The following RGS9 variants were observed in gnomAD, a reference collection of about 807,000 sequenced individuals.
The protein encoded by RGS9 is regulator of G-protein signalling 9.
A neutral mutation model predicts 102.0 loss-of-function variants in RGS9; 78 were observed. The observed-to-expected ratio is 0.76, with a 90% CI of 0.64 to 0.92. The LOEUF (loss-of-function observed/expected upper bound fraction) is 0.92, where lower values mean the gene tolerates loss of function less well. Ranked by LOEUF, RGS9 falls within the 40% of genes least tolerant of loss-of-function variation. The probability of loss-of-function intolerance (pLI) is 0.00; values close to 1 mark genes in which losing one functional copy is unlikely to be tolerated. For synonymous variants in RGS9, 353 were observed against 318.6 expected (o/e 1.11, Z -1.15); for missense variants, 833 against 866.1 (o/e 0.96, Z 0.48).
At chr17:65,178,440 G>A (rs189856671) in intron 9 of RGS9, among the ~76,000 whole-genome samples, 1 of 151,852 alleles carries the variant, frequency 6.6e-6, no homozygotes, top group Non-Finnish European at 1.5e-5. Context: ...TGAGCCCATG[G>A]CCCTATTGAC....
intron 1 of RGS9, among the ~76,000 whole-genome samples, chr17:65,152,108 A>G (rs572127758): frequency 2.6e-5 from 4 of 152,202 alleles, no homozygotes; most frequent in Non-Finnish European, 4.4e-5. Context: ...GGTGGAGTTC[A>G]GGGTTGCAGC....
intron 9 of RGS9, among the ~76,000 whole-genome samples, chr17:65,180,327 C>T (rs1207670280): frequency 2.0e-5 from 3 of 151,930 alleles, no homozygotes; most frequent in Admixed American, 6.6e-5. Context: ...GAGAAGGAAT[C>T]GATCCTTCTT....
intron 17 of RGS9, among the ~76,000 whole-genome samples, chr17:65,222,155 C>A (rs1449859779): frequency 2.0e-5 from 3 of 152,226 alleles, no homozygotes; most frequent in Non-Finnish European, 4.4e-5. Context: ...CAGCTGGGAG[C>A]TGCTCTCAGC....
intron 1 of RGS9, among the ~76,000 whole-genome samples, chr17:65,139,980 A>C (rs1405525940): frequency 6.6e-6 from 1 of 152,140 alleles, no homozygotes; most frequent in Non-Finnish European, 1.5e-5. Flanking sequence ...TGCAACTGTC[A>C]CTCATCACTC....
chr17:65,188,388 A>G (rs576670717), intron 9 of RGS9, among the ~76,000 whole-genome samples: 1 of 152,312 alleles, frequency 6.6e-6, no homozygotes, highest in African/African-American at 2.4e-5. Context: ...TCCACAGGGC[A>G]GCTCAACTCG....
At chr17:65,224,483 G>T (rs528502337) in intron 17 of RGS9, among the ~76,000 whole-genome samples, 1 of 152,212 alleles carries the variant, frequency 6.6e-6, no homozygotes, top group African/African-American at 2.4e-5. Flanking sequence ...TACTGGGCAG[G>T]GCTCAGAGCA....
intron 17 of RGS9, among the ~76,000 whole-genome samples, chr17:65,211,465 G>T (rs1045343699): frequency 2.6e-5 from 4 of 152,188 alleles, no homozygotes; most frequent in African/African-American, 7.2e-5. Flanking sequence ...CTTCATTCAT[G>T]GGAAGAGGAT....
chr17:65,156,305 G>A (rs1205747506), intron 2 of RGS9, among the ~76,000 whole-genome samples: 1 of 152,198 alleles, frequency 6.6e-6, no homozygotes, highest in East Asian at 1.9e-4. Context: ...TTACAGGCAT[G>A]AGCCACCGCG....
intron 9 of RGS9, among the ~76,000 whole-genome samples, chr17:65,186,070 C>T (rs1196366878): frequency 1.5e-5 from 2 of 130,518 alleles, no homozygotes; most frequent in African/African-American, 8.4e-5. Flanking sequence ...GAGCCCAGCA[C>T]GATTCTGCAC....
rs1290727302 is a variant in RGS9, at chr17:65,163,004, C to T, written c.424-9C>T. 6.7e-7 allele frequency: 1 copy of T among 1,488,366 alleles called. No individual in the cohort carries two copies. The highest frequency in any genetic ancestry group is 9.4e-7 in the Non-Finnish European group (1 of 1,068,402). The allele number at this position is 1,488,366 out of a possible 1,614,324, so 92.2% of individuals were successfully genotyped here. A position where few individuals can be genotyped will look rare whatever the true frequency, so the allele number is the denominator to read the frequency against. On this transcript the variant is annotated splice_polypyrimidine_tract_variant and intron_variant, in intron 6 of 18. Coordinates refer to ENST00000262406, the MANE Select transcript of RGS9 (RefSeq NM_003835.4). ...GGCTTTCTGTTCTCATTTTGTTTTT[C>T]TTCTTTAGGAAAATTACAATTTCTT... is the stretch of plus-strand genomic sequence containing the variant.
At chr17:65,192,644 C>T (rs1303654517) in intron 11 of RGS9, among the ~76,000 whole-genome samples, 1 of 151,610 alleles carries the variant, frequency 6.6e-6, no homozygotes, top group Non-Finnish European at 1.5e-5. Context: ...GAAATTACAG[C>T]TAGATAGTGT....
At chr17:65,174,470 T>A (rs1162929176) in intron 8 of RGS9, among the ~76,000 whole-genome samples, 1 of 152,084 alleles carries the variant, frequency 6.6e-6, no homozygotes, top group African/African-American at 2.4e-5. Context: ...TGAGCATGTA[T>A]GTCAGTGTGT....
chr17:65,192,989 G>C lies in RGS9; in HGVS notation c.747-554G>C, dbSNP rs1336809822. Reference sequence around the variant, plus strand: ...AATGAAATAGATACAGAAAGGCCGGGCATGGTGGCTCACACCTGTAATCCC... The same window carrying C: ...AATGAAATAGATACAGAAAGGCCGGCCATGGTGGCTCACACCTGTAATCCC... On this transcript the variant is annotated intron_variant, in intron 11 of 18. Transcript: ENST00000262406. Among the ~76,000 whole-genome samples, 4 of 152,022 alleles carry C rather than the reference G, an allele frequency of 2.6e-5. No individual in the cohort carries two copies. The East Asian group carries it at 7.7e-4, about 29-fold the overall frequency.
intron 12 of RGS9, 84 bp downstream of exon 12, chr17:65,193,740 A>G (rs931257010): frequency 1.9e-5 from 15 of 785,934 alleles, no homozygotes; most frequent in Non-Finnish European, 2.7e-5. Flanking sequence ...CCTTCAAAGC[A>G]TACAGTTCAA....
intron 17 of RGS9, among the ~76,000 whole-genome samples, chr17:65,213,330 C>T (rs1913371530): frequency 1.3e-5 from 2 of 152,210 alleles, no homozygotes; most frequent in Admixed American, 1.3e-4. Context: ...TTGTGCTTGG[C>T]TGTGGCAGGC....
intron 12 of RGS9, among the ~76,000 whole-genome samples, chr17:65,195,881 C>G (rs1384839743): frequency 1.3e-5 from 2 of 152,222 alleles, no homozygotes; most frequent in Non-Finnish European, 2.9e-5. Context: ...GGCCCTGGAC[C>G]AGCGGCATCC....
At chr17:65,156,492 G>A (rs116123225) in intron 2 of RGS9, among the ~76,000 whole-genome samples, 69 of 152,312 alleles carry the variant, frequency 4.5e-4, no homozygotes, top group African/African-American at 1.6e-3. Context: ...ACAGGGAGAA[G>A]CCCTGGTCCT....
At chr17:65,215,899 G>A (rs751099221) in intron 17 of RGS9, among the ~76,000 whole-genome samples, 6 of 152,088 alleles carry the variant, frequency 3.9e-5, no homozygotes, top group Admixed American at 6.6e-5. Flanking sequence ...AGCCTGCAAA[G>A]CCCCTCAAGG....
intron 15 of RGS9, among the ~76,000 whole-genome samples, chr17:65,206,631 C>T (rs116190061): frequency 0.018 from 2,723 of 152,182 alleles, 77 homozygotes; most frequent in African/African-American, 0.061. Context: ...GAGTTGAGAT[C>T]GTGCCACTGC....
Sources: gnomAD v4.1 joint callset for allele counts (sites outside exome capture counted in the v4.1 genomes callset) on GRCh38, gnomAD v4.1.1 for gene constraint, MANE v1.5 for transcripts, NCBI Gene and HGNC (gene_info 2026-07-23, HGNC 2026-07-21) for gene names.